KHDRBS2: variants seen among roughly 807,000 people sequenced by gnomAD.
KHDRBS2 encodes KH RNA binding domain containing, signal transduction associated 2.
A neutral mutation model predicts 44.3 loss-of-function variants in KHDRBS2; 26 were observed. That is an observed-to-expected ratio of 0.59 (90% confidence interval 0.43 to 0.81). KHDRBS2 has a LOEUF of 0.81. Ranked by LOEUF, KHDRBS2 falls within the 40% of genes least tolerant of loss-of-function variation. The probability of loss-of-function intolerance (pLI) is 0.00; values close to 1 mark genes in which losing one functional copy is unlikely to be tolerated. For missense variants in KHDRBS2, 476 were observed against 433.1 expected (o/e 1.10, Z -0.88); for synonymous variants, 194 against 151.1 (o/e 1.28, Z -2.08).
chr6:61,801,648 T>A (rs1482405770), intron 6 of KHDRBS2, among the ~76,000 whole-genome samples: 1 of 152,076 alleles, frequency 6.6e-6, no homozygotes, highest in African/African-American at 2.4e-5. Context: ...TATAATGACA[T>A]TGGTGATGAT....
intron 6 of KHDRBS2, among the ~76,000 whole-genome samples, chr6:61,748,125 G>A (rs973140399): frequency 6.6e-6 from 1 of 152,030 alleles, no homozygotes; most frequent in African/African-American, 2.4e-5. Context: ...AAGTAGCTGC[G>A]ATTACAGGCA....
intron 1 of KHDRBS2, among the ~76,000 whole-genome samples, chr6:62,194,880 T>G (rs1344086638): frequency 6.6e-6 from 1 of 152,120 alleles, no homozygotes; most frequent in Non-Finnish European, 1.5e-5. Flanking sequence ...ACTCAAAATA[T>G]GTTCATCCTT....
the KHDRBS2 span, among the ~76,000 whole-genome samples, chr6:61,573,753 C>T: frequency 1.2e-3 from 184 of 151,500 alleles, 2 homozygotes; most frequent in East Asian, 0.032. Context: ...TGCGCCACTG[C>T]ACTCCAGCCT....
At chr6:61,848,485 A>ATATG (rs1794777952) in intron 6 of KHDRBS2, among the ~76,000 whole-genome samples, 1 of 46,118 alleles carries the variant, frequency 2.2e-5, no homozygotes, top group Non-Finnish European at 3.8e-5. Context: ...ATATATATAT[A>ATATG]TATATGTATA....
chr6:62,165,240 C>A (rs1204301343), intron 2 of KHDRBS2, among the ~76,000 whole-genome samples: 1 of 149,572 alleles, frequency 6.7e-6, no homozygotes, highest in Non-Finnish European at 1.5e-5. Context: ...CATTCTAGTA[C>A]ATTTATTTAT....
chr6:61,575,410 CA>C, the KHDRBS2 span, among the ~76,000 whole-genome samples: 6 of 151,902 alleles, frequency 3.9e-5, no homozygotes, highest in Admixed American at 3.3e-4. Context: ...AATGAGATAC[CA>C]CCTTACTCCT....
At chr6:61,659,589 T>C in the KHDRBS2 span, among the ~76,000 whole-genome samples, 4 of 151,840 alleles carry the variant, frequency 2.6e-5, no homozygotes, top group Non-Finnish European at 4.4e-5. Context: ...GTAAAATTAA[T>C]ATCCTGAACT....
In KHDRBS2 at chr6:62,091,347, A is replaced by G. The variant is rs543248511; in HGVS notation, c.220-43353T>C. 1.1e-4 allele frequency among the ~76,000 whole-genome samples: 16 copies of G among 152,266 alleles called. No individual in the cohort carries two copies. The South Asian group carries it at 3.3e-3, about 32-fold the overall frequency. ...TAATTTTCTAATAATTCTTAGTATA[A>G]AATATCAACCTGTATTTAATTACTC... On this transcript the variant is annotated intron_variant, in intron 2 of 8. Coordinates refer to ENST00000281156, the MANE Select transcript of KHDRBS2 (RefSeq NM_152688.4).
intron 1 of KHDRBS2, among the ~76,000 whole-genome samples, chr6:62,264,037 C>G (rs921453566): frequency 6.6e-6 from 1 of 151,678 alleles, no homozygotes; most frequent in Non-Finnish European, 1.5e-5. Flanking sequence ...CTGAAAACAT[C>G]AACCAGATAT....
chr6:61,556,108 G>T, the KHDRBS2 span, among the ~76,000 whole-genome samples: 1 of 152,204 alleles, frequency 6.6e-6, no homozygotes, highest in African/African-American at 2.4e-5. Context: ...CAGCAACCAA[G>T]GTGCAGGATG....
chr6:61,719,390 T>C (rs1771986797), intron 7 of KHDRBS2, among the ~76,000 whole-genome samples: 1 of 152,050 alleles, frequency 6.6e-6, no homozygotes, highest in South Asian at 2.1e-4. Flanking sequence ...TTGGGAAATG[T>C]TGACAAAATC....
the KHDRBS2 span, among the ~76,000 whole-genome samples, chr6:61,598,763 T>C: frequency 0.61 from 92,127 of 149,904 alleles, 28,539 homozygotes; most frequent in Non-Finnish European, 0.65. Flanking sequence ...TGACCTAGAA[T>C]CAAAGCTAGG....
chr6:61,709,630 A>T (rs1458828163), intron 7 of KHDRBS2, among the ~76,000 whole-genome samples: 1 of 151,558 alleles, frequency 6.6e-6, no homozygotes, highest in Non-Finnish European at 1.5e-5. Flanking sequence ...ATGAGCGGTG[A>T]GCAATTTTAT....
chr6:61,648,566 C>A, the KHDRBS2 span, among the ~76,000 whole-genome samples: 1 of 152,088 alleles, frequency 6.6e-6, no homozygotes, highest in African/African-American at 2.4e-5. Context: ...GATGAACACA[C>A]GTTCTGCCTC....
At chr6:61,558,201 T>TC in the KHDRBS2 span, among the ~76,000 whole-genome samples, 1 of 152,164 alleles carries the variant, frequency 6.6e-6, no homozygotes, top group African/African-American at 2.4e-5. Flanking sequence ...TTTCTAGGTG[T>TC]TTAAGATGAA....
intron 6 of KHDRBS2, among the ~76,000 whole-genome samples, chr6:61,779,292 G>A (rs1192770029): frequency 6.6e-6 from 1 of 151,838 alleles, no homozygotes; most frequent in African/African-American, 2.4e-5. Flanking sequence ...TCCTCCCATT[G>A]GGGCCATAAA....
At chr6:61,965,718 G>T (rs1168959298) in intron 4 of KHDRBS2, among the ~76,000 whole-genome samples, 1 of 151,888 alleles carries the variant, frequency 6.6e-6, no homozygotes, top group East Asian at 1.9e-4. Flanking sequence ...GGAGATTCTG[G>T]ACTATGGTAA....
chr6:61,908,406 G>A (rs978486269), intron 4 of KHDRBS2, among the ~76,000 whole-genome samples: 20 of 151,698 alleles, frequency 1.3e-4, no homozygotes, highest in South Asian at 2.1e-4. Flanking sequence ...AGGCCGAGGC[G>A]GGCAGATCAC....
chr6:61,724,365 C>T (rs1773202526), intron 7 of KHDRBS2, among the ~76,000 whole-genome samples: 1 of 152,046 alleles, frequency 6.6e-6, no homozygotes, highest in African/African-American at 2.4e-5. Context: ...TAAAAACACA[C>T]TGAAGTACAG....
Sources: allele counts gnomAD v4.1 joint callset (sites outside exome capture counted in the v4.1 genomes callset), GRCh38; gene constraint gnomAD v4.1.1; transcripts MANE v1.5; gene names NCBI Gene and HGNC (gene_info 2026-07-23, HGNC 2026-07-21).